The following CLCA2 variants were observed in gnomAD, a reference collection of about 807,000 sequenced individuals.
CLCA2 encodes the protein calcium-activated chloride channel regulator 2.
In CLCA2, 85 loss-of-function variants were observed where a neutral mutation model predicts 82.9. The observed-to-expected ratio is 1.03, with a 90% confidence interval of 0.86 to 1.23. The LOEUF is 1.23. Among genes scored for constraint, CLCA2 ranks in the 50% most tolerant of loss-of-function variants. The probability of loss-of-function intolerance (pLI) is 0.00; values close to 1 mark genes in which losing one functional copy is unlikely to be tolerated. For synonymous variants in CLCA2, 421 were observed against 391.7 expected, an observed-to-expected ratio of 1.07 and a Z score of -0.88; for missense variants, 1,089 against 1,124.8, an observed-to-expected ratio of 0.97 and a Z score of 0.45.
Position 86,428,492 on chromosome 1 carries a change from A to G in CLCA2, c.399A>G (p.Gly133=). 1.9e-6 allele frequency: 3 copies of G among 1,613,776 alleles called. No individual in the cohort carries two copies. The highest frequency in any genetic ancestry group is 2.5e-6 in the Non-Finnish European group (3 of 1,179,742). The change falls in exon 3 of 14, where the codon GGA becomes GGG. Residue 133 remains glycine, a synonymous_variant. Transcript: ENST00000370565. ...ACACCCTACAATACAGAGGGTGTGGAAAAGAGGGAAAATACATTCATTTCA... is the reference window on the plus strand; with the variant it reads ...ACACCCTACAATACAGAGGGTGTGGGAAAGAGGGAAAATACATTCATTTCA... ...DPYTLQYRGC[G]KEGKYIHFTP...
rs72720136 is a variant in CLCA2 at position 86,444,002 on chromosome 1, A to G, written c.1704A>G (p.Gly568=). The G allele has an allele frequency of 0.021, 33,862 of 1,605,530 alleles. 487 individuals are homozygous for G. Among genetic ancestry groups the G allele is most frequent in the Non-Finnish European group, 0.025 (29,690 of 1,172,262 alleles). The change falls in exon 10 of 14, where the codon GGA becomes GGG. Residue 568 remains glycine (G), a synonymous_variant. Coordinates refer to ENST00000370565, the MANE Select transcript of CLCA2 (RefSeq NM_006536.7). ...GGACAGCTAGTCTTTGGATTCCAGG[A>G]ACAGCTAAGGTAGGTGTTGTGAGTT... ...TFRTASLWIP[G]TAKPGHWTYT...
At chr1:86,429,525 A>G (rs141881103) in intron 3 of CLCA2, among the ~76,000 whole-genome samples, 14 of 152,298 alleles carry the variant, frequency 9.2e-5, no homozygotes, top group African/African-American at 3.1e-4. Flanking sequence ...AGACTATGCC[A>G]GGGAAAGTGG....
chr1:86,445,706 TA>T (rs1351100370), intron 10 of CLCA2, among the ~76,000 whole-genome samples: 1 of 146,268 alleles, frequency 6.8e-6, no homozygotes, highest in Non-Finnish European at 1.5e-5. Flanking sequence ...GTTATAATAT[TA>T]ATAGTACAGA....
At position 86,450,595 on chromosome 1, in the gene CLCA2, T is replaced by C. The variant is rs1286918070; in HGVS notation, c.2017T>C (p.Ser673Pro). Residue 673 changes from serine to proline, a missense_variant, in exon 12 of 14, where the codon TCG becomes CCG. Physicochemically the swap from Ser to Pro is moderately conservative, Grantham distance 74. Transcript: ENST00000370565. ...TGTTATAAAAAATGATGGAATTTACTCGAGGTATTTTTTCTCCTTTGCTGC... is the reference window on the plus strand; with the variant it reads ...TGTTATAAAAAATGATGGAATTTACCCGAGGTATTTTTTCTCCTTTGCTGC... ...ADVIKNDGIYSRYFFSFAANG... is the reference protein window; with the variant it reads ...ADVIKNDGIYPRYFFSFAANG... 6.2e-7 allele frequency: 1 copy of C among 1,613,200 alleles called. No individual in the cohort carries two copies. Among genetic ancestry groups the C allele is most frequent in the South Asian group, 1.1e-5 (1 of 90,858 alleles).
chr1:86,440,305 A>G lies in CLCA2; in HGVS notation c.1361A>G (p.Glu454Gly). The stretch of plus-strand genomic sequence containing the variant: ...GGTTCATCTGCAGCCCCAAATCTGG[A>G]GGAATTATCACGTCTTACAGGTAAT... ...ALGSSAAPNL[E>G]ELSRLTGGLK... The change falls in exon 8 of 14, where the codon GAG becomes GGG. Residue 454 changes from glutamate (E) to glycine (G), a missense_variant. Physicochemically the swap from Glu to Gly is moderately conservative, Grantham distance 98 (BLOSUM62 -2). Transcript: ENST00000370565. The G allele has an allele frequency of 6.2e-7, 1 of 1,613,932 alleles. No individual in the cohort carries two copies. Among genetic ancestry groups the G allele is most frequent in the South Asian group, 1.1e-5 (1 of 90,988 alleles).
chr1:86,454,783 C>G (rs558247512), intron 13 of CLCA2, among the ~76,000 whole-genome samples: 1 of 152,026 alleles, frequency 6.6e-6, no homozygotes, highest in Admixed American at 6.6e-5. Flanking sequence ...CAGAGCAAGA[C>G]TCCATCTCAA....
At chr1:86,433,154 C>G (rs915369784) in intron 5 of CLCA2, among the ~76,000 whole-genome samples, 20 of 152,206 alleles carry the variant, frequency 1.3e-4, no homozygotes, top group Non-Finnish European at 2.5e-4. Flanking sequence ...ATGAAGCAGC[C>G]TGGAACAGCC....
chr1:86,443,888 G>A lies in CLCA2; in HGVS notation c.1590G>A (p.Trp530Ter). The A allele has an allele frequency of 1.2e-6, 2 of 1,613,758 alleles. No homozygotes were observed. The highest frequency in any genetic ancestry group is 8.5e-7 in the Non-Finnish European group (1 of 1,179,678). Residue 530 changes from tryptophan (W) to a stop codon, truncating the protein, a stop_gained, in exon 10 of 14, where the codon TGG becomes TGA. Transcript: ENST00000370565. LOFTEE classifies it high-confidence loss of function. ...VGNDTMFLVT[W>*]QASGPPEIIL... The stretch of plus-strand genomic sequence containing the variant: ...ACGACACTATGTTTCTAGTTACGTG[G>A]CAGGCCAGTGGTCCTCCTGAGATTA...
At chr1:86,447,458 G>GCA in intron 10 of CLCA2, 50 bp from the exon 11 acceptor site, 5 of 1,572,710 alleles carry the variant, frequency 3.2e-6, no homozygotes, top group Non-Finnish European at 4.3e-6. Context: ...TTTAAAATTA[G>GCA]GGTTGATTTT....
Position 86,428,471 on chromosome 1 carries a change from C to T in CLCA2, c.378C>T (p.Thr126=). Residue 126 remains threonine (T), a synonymous_variant, in exon 3 of 14, where the codon ACC becomes ACT. Coordinates refer to ENST00000370565, the MANE Select transcript of CLCA2 (RefSeq NM_006536.7). ...GGGCACATGGAGATGATCCATACAC[C>T]CTACAATACAGAGGGTGTGGAAAAG... ...WYGAHGDDPY[T]LQYRGCGKEG... 6.2e-7 allele frequency: 1 copy of T among 1,613,002 alleles called. No homozygotes were observed. The highest frequency in any genetic ancestry group is 8.5e-7 in the Non-Finnish European group (1 of 1,179,412).
chr1:86,440,058 C>T, intron 7 of CLCA2, 90 bp from the exon 8 acceptor site: 1 of 1,298,890 alleles, frequency 7.7e-7, no homozygotes, highest in Non-Finnish European at 1.1e-6. Context: ...GTAGGAGCTA[C>T]AGTGGGAATT....
At position 86,450,648 on chromosome 1, in the gene CLCA2, T is replaced by G; in HGVS notation, c.2070T>G (p.His690Gln). 1 of 1,613,666 alleles carries G rather than the reference T, an allele frequency of 6.2e-7. No individual in the cohort carries two copies. Among genetic ancestry groups the G allele is most frequent in the Non-Finnish European group, 8.5e-7 (1 of 1,179,728 alleles). ...ATGGTAGATATAGCTTGAAAGTGCATGTCAATCACTCTCCCAGCATAAGCA... is the reference window on the plus strand; with the variant it reads ...ATGGTAGATATAGCTTGAAAGTGCAGGTCAATCACTCTCCCAGCATAAGCA... ...AANGRYSLKVHVNHSPSISTP... is the reference protein window; with the variant it reads ...AANGRYSLKVQVNHSPSISTP... The change falls in exon 12 of 14, where the codon CAT (histidine) becomes CAG (glutamine). Residue 690 changes from histidine (H) to glutamine (Q), a missense_variant. Coordinates refer to ENST00000370565, the MANE Select transcript of CLCA2 (RefSeq NM_006536.7).
At chr1:86,434,004 G>T (rs1381488753) in intron 5 of CLCA2, among the ~76,000 whole-genome samples, 1 of 83,948 alleles carries the variant, frequency 1.2e-5, no homozygotes. Context: ...TTGAGTGGGG[G>T]TGGGGGATCA....
At chr1:86,429,861 A>G (rs1466832694) in intron 3 of CLCA2, among the ~76,000 whole-genome samples, 1 of 152,170 alleles carries the variant, frequency 6.6e-6, no homozygotes, top group Non-Finnish European at 1.5e-5. Context: ...ACACTTTATA[A>G]ATCTTTAGAA....
chr1:86,447,563 A>G lies in CLCA2; in HGVS notation c.1769A>G (p.Lys590Arg), dbSNP rs1473743664. ...NNTHHSLQALKVTVTSRASNS... is the reference protein window; with the variant it reads ...NNTHHSLQALRVTVTSRASNS... ...ACCCATCATTCTCTGCAAGCCCTGA[A>G]AGTGACAGTGACCTCTCGCGCCTCC... The change falls in exon 11 of 14, where the codon AAA (lysine) becomes AGA (arginine). Residue 590 changes from lysine to arginine, a missense_variant. Transcript: ENST00000370565. The G allele has an allele frequency of 3.1e-6, 5 of 1,614,110 alleles. No individual in the cohort carries two copies. Among genetic ancestry groups the G allele is most frequent in the Admixed American group, 1.7e-5 (1 of 60,006 alleles).
intron 2 of CLCA2, among the ~76,000 whole-genome samples, 172 bp downstream of exon 2, chr1:86,425,648 T>C (rs1325122875): frequency 1.3e-5 from 2 of 152,172 alleles, no homozygotes; most frequent in Non-Finnish European, 2.9e-5. Flanking sequence ...AATAAATGAA[T>C]GCAAATTGTG....
At position 86,428,545 on chromosome 1, in the gene CLCA2, TA is replaced by T. The variant is rs759293557; in HGVS notation, c.454del (p.Thr152GlnfsTer34). On this transcript the variant is annotated frameshift_variant, in exon 3 of 14. Coordinates refer to ENST00000370565, the MANE Select transcript of CLCA2 (RefSeq NM_006536.7). LOFTEE classifies it high-confidence loss of function. Reference protein sequence around the residue: ...FTPNFLLNDNLTAGYGSRGRV... With the variant: ...FTPNFLLNDNXTAGYGSRGRV... ...CCTAATTTCCTACTGAATGATAACT[TA>T]ACAGCTGGCTACGGATCACGAGGTA... The T allele has an allele frequency of 6.2e-7, 1 of 1,613,434 alleles. No individual in the cohort carries two copies. The highest frequency in any genetic ancestry group is 8.5e-7 in the Non-Finnish European group (1 of 1,179,580).
chr1:86,451,900 C>G (rs1186014083), intron 12 of CLCA2, among the ~76,000 whole-genome samples: 2 of 152,130 alleles, frequency 1.3e-5, no homozygotes, highest in Non-Finnish European at 2.9e-5. Flanking sequence ...TCAAAAAGTG[C>G]TACTTATCAT....
rs945565642 is a variant in CLCA2 at position 86,438,865 on chromosome 1, T to A, written c.973-11T>A. ...ATGTTGCCATTTTCTTTTTTCCTTTTTGGGACATAGGCTGACAGACTCCTT... is the reference window on the plus strand; with the variant it reads ...ATGTTGCCATTTTCTTTTTTCCTTTATGGGACATAGGCTGACAGACTCCTT... On this transcript the variant is annotated splice_polypyrimidine_tract_variant and intron_variant, in intron 6 of 13. Coordinates refer to ENST00000370565, the MANE Select transcript of CLCA2 (RefSeq NM_006536.7). The A allele has an allele frequency of 1.2e-6, 2 of 1,611,648 alleles. No individual in the cohort carries two copies. The highest frequency in any genetic ancestry group is 1.7e-6 in the Non-Finnish European group (2 of 1,178,192).
Sources: gnomAD v4.1 joint callset for allele counts (sites outside exome capture counted in the v4.1 genomes callset) on GRCh38, gnomAD v4.1.1 for gene constraint, MANE v1.5 for transcripts, NCBI Gene and HGNC (gene_info 2026-07-23, HGNC 2026-07-21) for gene names.